NEO1: variants seen among roughly 807,000 people sequenced by gnomAD.
NEO1 encodes neogenin.
A neutral mutation model predicts 159.7 loss-of-function variants in NEO1; 63 were observed. The observed-to-expected ratio is 0.39, with a 90% CI of 0.32 to 0.49. NEO1 has a LOEUF of 0.49. NEO1 is among the 20% of genes least tolerant of loss of function. The pLI, the probability that NEO1 is intolerant of heterozygous loss-of-function variation, is 0.85. For synonymous variants in NEO1, 633 were observed against 662.0 expected, an observed-to-expected ratio of 0.96 and a Z score of 0.67; for missense variants, 1,615 against 1,831.0, an observed-to-expected ratio of 0.88 and a Z score of 2.15.
chr15:73,171,608 G>T (rs2034967722), intron 5 of NEO1, among the ~76,000 whole-genome samples: 1 of 132,144 alleles, frequency 7.6e-6, no homozygotes, highest in Non-Finnish European at 1.6e-5. Context: ...GTGATATTAA[G>T]AAACTATTAT....
rs1486274965 is a variant in NEO1 at position 73,217,939 on chromosome 15, C to G, written c.1292-18408C>G. On this transcript the variant is annotated intron_variant, in intron 7 of 28. Transcript: ENST00000261908. ...TTATTTCCTTCTCCTGCCTAATTGC[C>G]CTGGCCAGAACTTCCAACACTATGT... Among the ~76,000 whole-genome samples, 543 of 152,096 alleles carry G rather than the reference C, an allele frequency of 3.6e-3. 3 individuals carry two copies. Among genetic ancestry groups the G allele is most frequent in the African/African-American group, 0.012 (514 of 41,474 alleles).
In NEO1 at chr15:73,124,775, A is replaced by G. The variant is rs576663786; in HGVS notation, c.725-1642A>G. 8.5e-5 allele frequency among the ~76,000 whole-genome samples: 13 copies of G among 152,272 alleles called. No homozygotes were observed. In the South Asian group the frequency reaches 2.3e-3, roughly 27 times the overall value. On this transcript the variant is annotated intron_variant, in intron 3 of 28. Transcript: ENST00000261908. ...AACATATTACCATCTGACATGTTCT[A>G]TCTTACTTGTCTCTCTCCCTCATTA...
At chr15:73,221,011 A>G (rs1404916916) in intron 7 of NEO1, among the ~76,000 whole-genome samples, 2 of 152,104 alleles carry the variant, frequency 1.3e-5, no homozygotes, top group East Asian at 3.9e-4. Flanking sequence ...TCTGCTTTTT[A>G]GAGTTTCCAG....
Position 73,293,407 on chromosome 15 carries a change from C to G in NEO1, c.3760C>G (p.Pro1254Ala), listed in dbSNP as rs1296391450. ...QPPQPVISAH[P>A]IHSLDNPHHH... ...ATTCACAGCTGTGATTAGTGCCCAT[C>G]CCATCCATTCCCTCGATAACCCTCA... The change falls in exon 26 of 29, where the codon CCC (proline) becomes GCC (alanine). Residue 1254 changes from proline (P) to alanine (A), a missense_variant. Pro to Ala is a conservative substitution (Grantham distance 27, BLOSUM62 -1). Around this residue, in one of 3 missense-constraint regions of NEO1, gnomAD observed 471 missense variants for 498.9 expected, o/e 0.94. Coordinates refer to ENST00000261908, the MANE Select transcript of NEO1 (RefSeq NM_002499.4). 4 of 1,614,174 alleles carry G rather than the reference C, an allele frequency of 2.5e-6. No homozygotes were observed. The highest frequency in any genetic ancestry group is 3.4e-6 in the Non-Finnish European group (4 of 1,180,030).
At chr15:73,234,563 G>C (rs2039075570) in intron 7 of NEO1, among the ~76,000 whole-genome samples, 1 of 152,216 alleles carries the variant, frequency 6.6e-6, no homozygotes, top group Non-Finnish European at 1.5e-5. Context: ...CTCTAAGGCA[G>C]TGCATCTGTT....
Position 73,098,794 on chromosome 15 carries a change from G to C in NEO1, c.131-17746G>C, listed in dbSNP as rs140509866. Among the ~76,000 whole-genome samples the C allele has an allele frequency of 3.2e-3, 490 of 152,208 alleles. 2 individuals carry two copies. Among genetic ancestry groups the C allele is most frequent in the Non-Finnish European group, 5.0e-3 (340 of 68,006 alleles). On this transcript the variant is annotated intron_variant, in intron 1 of 28. Coordinates refer to ENST00000261908, the MANE Select transcript of NEO1 (RefSeq NM_002499.4). Reference sequence around the variant, plus strand: ...ATAGACATGGGATTGCTAGGTAAAAGGGTAAATGCATATATAATTGCGCTA... The same window carrying C: ...ATAGACATGGGATTGCTAGGTAAAACGGTAAATGCATATATAATTGCGCTA...
intron 7 of NEO1, among the ~76,000 whole-genome samples, chr15:73,233,996 C>A (rs1311907111): frequency 6.6e-6 from 1 of 152,162 alleles, no homozygotes; most frequent in Non-Finnish European, 1.5e-5. Flanking sequence ...AAGTTTTGAA[C>A]ATAAGTCTTT....
At chr15:73,121,733 C>T (rs1029512632) in intron 2 of NEO1, among the ~76,000 whole-genome samples, 1 of 151,888 alleles carries the variant, frequency 6.6e-6, no homozygotes, top group Non-Finnish European at 1.5e-5. Context: ...TTGCATGAAC[C>T]GACAGATTCT....
At chr15:73,184,212 G>A (rs2151981238) in intron 7 of NEO1, among the ~76,000 whole-genome samples, 1 of 152,134 alleles carries the variant, frequency 6.6e-6, no homozygotes, top group East Asian at 1.9e-4. Flanking sequence ...CTGTAGTACA[G>A]TGGCGCGATC....
At chr15:73,101,915 C>T (rs2070423244) in intron 1 of NEO1, among the ~76,000 whole-genome samples, 1 of 152,076 alleles carries the variant, frequency 6.6e-6, no homozygotes, top group Admixed American at 6.5e-5. Flanking sequence ...CTTTATTTAC[C>T]AACCTATCTC....
chr15:73,063,359 CT>C (rs1317571238), intron 1 of NEO1, among the ~76,000 whole-genome samples: 1 of 151,958 alleles, frequency 6.6e-6, no homozygotes, highest in Non-Finnish European at 1.5e-5. Context: ...AGAACAAAGC[CT>C]GGCTTATTCA....
At chr15:73,301,923 C>A (rs1215189846) in intron 28 of NEO1, among the ~76,000 whole-genome samples, 1 of 152,226 alleles carries the variant, frequency 6.6e-6, no homozygotes. Flanking sequence ...CCTGCCTCAG[C>A]CTCCCAAAGT....
Position 73,302,987 on chromosome 15 carries a change from A to G in NEO1, c.*291A>G, listed in dbSNP as rs557398987. The stretch of plus-strand genomic sequence containing the variant: ...GTCCAGGGAAGAGGCGAGAAGTGCA[A>G]CCTGCATTTCACTTTGTGGTCAGGC... On this transcript the variant is annotated 3_prime_UTR_variant, in exon 29 of 29. Transcript: ENST00000261908. 8.6e-6 allele frequency: 3 copies of G among 347,432 alleles called. No individual in the cohort carries two copies. Among genetic ancestry groups the G allele is most frequent in the South Asian group, 4.3e-5 (1 of 23,466 alleles). 21.5% of individuals were successfully genotyped at this position (347,432 alleles called of 1,614,324 possible). A position where few individuals can be genotyped will look rare whatever the true frequency, so the allele number is the denominator to read the frequency against.
intron 9 of NEO1, among the ~76,000 whole-genome samples, chr15:73,245,082 A>C (rs2039715826): frequency 6.6e-6 from 1 of 151,572 alleles, no homozygotes; most frequent in African/African-American, 2.4e-5. Context: ...GCCTTCTAGA[A>C]TCTTTCCTCT....
intron 4 of NEO1, among the ~76,000 whole-genome samples, chr15:73,132,242 A>T (rs543667526): frequency 6.6e-6 from 1 of 152,322 alleles, no homozygotes; most frequent in East Asian, 1.9e-4. Context: ...AAGAGTAGTC[A>T]ATACTTTTTT....
At chr15:73,131,977 A>C (rs1257001148) in intron 4 of NEO1, among the ~76,000 whole-genome samples, 1 of 152,186 alleles carries the variant, frequency 6.6e-6, no homozygotes, top group African/African-American at 2.4e-5. Flanking sequence ...CTCATTCTTC[A>C]GATCTCAGCT....
At chr15:73,275,479 CT>C (rs1212465782) in intron 21 of NEO1, among the ~76,000 whole-genome samples, 1 of 151,868 alleles carries the variant, frequency 6.6e-6, no homozygotes, top group East Asian at 1.9e-4. Context: ...GTGAGACCCC[CT>C]CTCTACAAAA....
intron 7 of NEO1, among the ~76,000 whole-genome samples, chr15:73,187,381 CCT>C (rs1428341258): frequency 1.3e-5 from 2 of 151,994 alleles, no homozygotes; most frequent in African/African-American, 2.4e-5. Context: ...TCTCCTGCTC[CCT>C]GTTTGCCTTT....
intron 5 of NEO1, among the ~76,000 whole-genome samples, chr15:73,136,493 C>G (rs2151749747): frequency 6.6e-6 from 1 of 152,016 alleles, no homozygotes; most frequent in South Asian, 2.1e-4. Flanking sequence ...GTTCTGTGAC[C>G]CCGAATTATT....
Sources: gnomAD v4.1 joint callset for allele counts (sites outside exome capture counted in the v4.1 genomes callset) on GRCh38, gnomAD v4.1.1 for gene constraint, gnomAD v4.1.1 regional missense constraint, MANE v1.5 for transcripts, NCBI Gene and HGNC (gene_info 2026-07-23, HGNC 2026-07-21) for gene names.